The following NLGN1 variants were observed in gnomAD, a reference collection of about 807,000 sequenced individuals.
The protein encoded by NLGN1 is neuroligin-1.
Under a neutral mutation model 65.5 loss-of-function variants are expected in NLGN1, and 12 were observed. The observed-to-expected ratio is 0.18, with a 90% CI of 0.12 to 0.30. NLGN1 has a LOEUF of 0.30. NLGN1 is among the 10% of genes least tolerant of loss of function. NLGN1 has a pLI of 1.00. For missense variants in NLGN1, 750 were observed against 1,007.1 expected (o/e 0.74, Z 3.46); for synonymous variants, 350 against 359.5 (o/e 0.97, Z 0.30).
At chr3:173,652,382 T>C (rs568629150) in intron 3 of NLGN1, among the ~76,000 whole-genome samples, 32 of 152,198 alleles carry the variant, frequency 2.1e-4, no homozygotes, top group Non-Finnish European at 4.3e-4. Context: ...TTTTTGTCTA[T>C]CATTTTGATA....
intron 4 of NLGN1, among the ~76,000 whole-genome samples, chr3:174,094,730 T>C (rs545365490): frequency 6.9e-6 from 1 of 144,040 alleles, no homozygotes; most frequent in Non-Finnish European, 1.5e-5. Context: ...TCCTGCTCAT[T>C]GTTCCTTGGC....
chr3:173,475,223 A>G (rs995448726), intron 2 of NLGN1, among the ~76,000 whole-genome samples: 3 of 152,152 alleles, frequency 2.0e-5, no homozygotes, highest in Non-Finnish European at 2.9e-5. Context: ...CGTTATTTCA[A>G]TTACTTGTTA....
intron 3 of NLGN1, among the ~76,000 whole-genome samples, chr3:173,722,227 C>A: frequency 7.2e-6 from 1 of 138,970 alleles, no homozygotes; most frequent in South Asian, 2.3e-4. Context: ...TTTTTCTTTT[C>A]TTTTCTTCTT....
rs577903923 is a variant in NLGN1 at position 173,663,692 on chromosome 3, A to G, written c.493+58601A>G. On this transcript the variant is annotated intron_variant, in intron 3 of 6. Transcript: ENST00000457714. ...AAATGTATTGGTAGCTGAGCTGGGA[A>G]CAGTTTTCAACATGCTTTATTTCTA... is the stretch of plus-strand genomic sequence containing the variant. Among the ~76,000 whole-genome samples, 43 of 152,098 alleles carry G rather than the reference A, an allele frequency of 2.8e-4. 2 individuals are homozygous for G. The highest frequency in any genetic ancestry group is 9.6e-4 in the African/African-American group (40 of 41,538).
chr3:174,287,230 T>TA (rs1752233141), downstream of NLGN1, among the ~76,000 whole-genome samples: 1 of 151,416 alleles, frequency 6.6e-6, no homozygotes, highest in Non-Finnish European at 1.5e-5. Context: ...ATGATATTGG[T>TA]AGGAAGACTA....
At chr3:173,579,141 A>C in intron 2 of NLGN1, among the ~76,000 whole-genome samples, 1 of 152,196 alleles carries the variant, frequency 6.6e-6, no homozygotes, top group East Asian at 1.9e-4. Context: ...TCTCTAACCA[A>C]CATTGATGAA....
intron 4 of NLGN1, among the ~76,000 whole-genome samples, chr3:173,814,084 C>T (rs1305435185): frequency 1.3e-5 from 2 of 152,252 alleles, no homozygotes; most frequent in Non-Finnish European, 2.9e-5. Context: ...CCAGCAGCCC[C>T]TGAGCTGGGC....
chr3:173,441,029 C>T (rs1017715168), intron 2 of NLGN1, among the ~76,000 whole-genome samples: 2 of 152,180 alleles, frequency 1.3e-5, no homozygotes, highest in Non-Finnish European at 2.9e-5. Context: ...CTTTCTGCTT[C>T]ACCTTGCACT....
At chr3:173,744,974 C>A (rs886922632) in intron 3 of NLGN1, among the ~76,000 whole-genome samples, 2 of 152,032 alleles carry the variant, frequency 1.3e-5, no homozygotes, top group Non-Finnish European at 2.9e-5. Flanking sequence ...GTTAATAGAC[C>A]GCCTATCTTT....
chr3:174,137,208 T>C (rs1043438268), intron 4 of NLGN1, among the ~76,000 whole-genome samples: 5 of 152,142 alleles, frequency 3.3e-5, no homozygotes, highest in African/African-American at 9.7e-5. Flanking sequence ...TTGAGGACTG[T>C]CTGTATTTTC....
intron 4 of NLGN1, among the ~76,000 whole-genome samples, chr3:173,903,415 G>A (rs1737743011): frequency 6.6e-6 from 1 of 152,242 alleles, no homozygotes; most frequent in Admixed American, 6.6e-5. Flanking sequence ...TATGTGTTAT[G>A]TTGAAGAGTT....
intron 4 of NLGN1, among the ~76,000 whole-genome samples, chr3:174,154,551 A>G (rs1724972662): frequency 6.6e-6 from 1 of 152,068 alleles, no homozygotes. Context: ...ATGTGTTACA[A>G]TGAGAGCAAA....
intron 2 of NLGN1, among the ~76,000 whole-genome samples, chr3:173,513,688 T>C (rs937104406): frequency 2.6e-5 from 4 of 152,154 alleles, no homozygotes; most frequent in African/African-American, 9.7e-5. Context: ...ATGAATAAAA[T>C]AGATATGTTC....
chr3:174,109,580 T>G (rs569155669), intron 4 of NLGN1, among the ~76,000 whole-genome samples: 15 of 152,214 alleles, frequency 9.9e-5, no homozygotes, highest in African/African-American at 3.6e-4. Flanking sequence ...TAATAATGTT[T>G]TTCTCTATAT....
chr3:173,820,863 G>C (rs2029334), intron 4 of NLGN1, among the ~76,000 whole-genome samples: 129,251 of 152,134 alleles, frequency 0.85, 55,768 homozygotes, highest in African/African-American at 0.93. Flanking sequence ...GTAACTTTTT[G>C]AGGCTCAGCT....
At chr3:174,085,824 TATTC>T (rs1321507473) in intron 4 of NLGN1, among the ~76,000 whole-genome samples, 6 of 152,182 alleles carry the variant, frequency 3.9e-5, no homozygotes, top group African/African-American at 1.4e-4. Context: ...TTAAATGAGC[TATTC>T]ATTCTATAAC....
chr3:173,774,137 T>C (rs1212730229), intron 3 of NLGN1, among the ~76,000 whole-genome samples: 2 of 152,068 alleles, frequency 1.3e-5, no homozygotes, highest in African/African-American at 4.8e-5. Context: ...ATCAGAGGAG[T>C]TTAAGCAGAA....
intron 4 of NLGN1, among the ~76,000 whole-genome samples, chr3:173,879,952 A>G (rs1052378487): frequency 6.6e-5 from 10 of 152,190 alleles, no homozygotes; most frequent in African/African-American, 2.2e-4. Flanking sequence ...ATTATTTTGC[A>G]GACGGAAAAT....
At position 174,280,742 on chromosome 3, in the gene NLGN1, AC is replaced by A; in HGVS notation, c.1913del (p.Pro638LeufsTer39). ...TGCCATCAACTGACATCACTTTCAG[AC>A]CTACGAGAAAAAATTCTGTACCTGT... On this transcript the variant is annotated frameshift_variant, in exon 7 of 7. Coordinates refer to ENST00000457714, the Ensembl canonical transcript of NLGN1. LOFTEE classifies it high-confidence loss of function. This position sits in a 1 kb window ranked among gnomAD's most constrained non-coding sequence, Gnocchi z 4.9. The A allele has an allele frequency of 6.2e-7, 1 of 1,613,360 alleles. No homozygotes were observed. Among genetic ancestry groups the A allele is most frequent in the Non-Finnish European group, 8.5e-7 (1 of 1,179,544 alleles).
Sources: allele counts gnomAD v4.1 joint callset (sites outside exome capture counted in the v4.1 genomes callset), GRCh38; gene constraint gnomAD v4.1.1; non-coding constraint Gnocchi (gnomAD v3.1); transcripts MANE v1.5; gene names NCBI Gene and HGNC (gene_info 2026-07-23, HGNC 2026-07-21).